The following GOLGA3 variants were observed in gnomAD, a reference collection of about 807,000 sequenced individuals.
GOLGA3 encodes golgin subfamily A member 3.
In GOLGA3, 75 loss-of-function variants were observed where a neutral mutation model predicts 169.4. The ratio of observed to expected loss-of-function variants is 0.44; its 90% CI spans 0.37 to 0.54. The LOEUF (loss-of-function observed/expected upper bound fraction) is 0.54, where lower values mean the gene tolerates loss of function less well. Ranked by LOEUF, GOLGA3 falls within the 20% of genes least tolerant of loss-of-function variation. The probability of loss-of-function intolerance (pLI) is 0.00; values close to 1 mark genes in which losing one functional copy is unlikely to be tolerated. For synonymous variants in GOLGA3, 824 were observed against 822.4 expected (o/e 1.00, Z -0.03); for missense variants, 1,899 against 1,930.0 (o/e 0.98, Z 0.30).
Position 132,816,604 on chromosome 12 carries a change from G to A in GOLGA3, c.342C>T (p.Gly114=), listed in dbSNP as rs1949969871. Residue 114 remains glycine, a synonymous_variant, in exon 3 of 24, where the codon GGC becomes GGT. Transcript: ENST00000450791. The part of the protein sequence containing the change: ...LRKSQGTSAE[G]SVRKEALQSL... Reference sequence around the variant, plus strand: ...ACTGCAAAGCTTCTTTTCTAACACTGCCCTCAGCACTAGTTCCCTGAGACT... The same window carrying A: ...ACTGCAAAGCTTCTTTTCTAACACTACCCTCAGCACTAGTTCCCTGAGACT... 2 of 1,613,992 alleles carry A rather than the reference G, an allele frequency of 1.2e-6. No individual in the cohort carries two copies.
rs980655577 is a variant in GOLGA3, at chr12:132,777,153, G to A, written c.3723-63C>T. On this transcript the variant is annotated intron_variant, in intron 19 of 23. Transcript: ENST00000450791. The surrounding 1 kb of genome is among the most constrained non-coding windows in gnomAD (Gnocchi z 4.7). ...CTCCTCCAGTGTGCTGTGCCCTCCC[G>A]CTGGGAAATGCTGCCTGTGGAAGGC... 1.9e-5 allele frequency: 29 copies of A among 1,499,338 alleles called. No homozygotes were observed. The Admixed American group carries it at 4.4e-4, about 23-fold the overall frequency. The allele number at this position is 1,499,338 out of a possible 1,614,324, so 92.9% of individuals were successfully genotyped here.
At chr12:132,828,661 G>T in intron 1 of GOLGA3, 142 bp downstream of exon 1, 1 of 149,054 alleles carries the variant, frequency 6.7e-6, no homozygotes, top group South Asian at 2.0e-4. Context: ...GGGGTGACTG[G>T]AACGGGGCCG....
chr12:132,816,740 T>C lies in GOLGA3; in HGVS notation c.206A>G (p.Asn69Ser). Reference protein sequence around the residue: ...DGPGQGGLCQNGPTPPFPDPP... With the variant: ...DGPGQGGLCQSGPTPPFPDPP... ...GTCTGGGAAGGGTGGCGTTGGCCCG[T>C]TCTGACAGAGGCCTCCCTGGCCAGG... Residue 69 changes from asparagine to serine, a missense_variant, in exon 3 of 24, where the codon AAC (asparagine) becomes AGC (serine). Transcript: ENST00000450791. 1 of 1,613,836 alleles carries C rather than the reference T, an allele frequency of 6.2e-7. No individual in the cohort carries two copies. Among genetic ancestry groups the C allele is most frequent in the Non-Finnish European group, 8.5e-7 (1 of 1,179,778 alleles).
intron 9 of GOLGA3, 147 bp downstream of exon 9, chr12:132,798,193 C>G: frequency 1.6e-6 from 1 of 606,600 alleles, no homozygotes; most frequent in Non-Finnish European, 2.5e-6. Context: ...GGGGGGGTCC[C>G]AAAGCCTTAA....
intron 13 of GOLGA3, among the ~76,000 whole-genome samples, chr12:132,787,143 A>G (rs989658556): frequency 6.6e-6 from 1 of 152,008 alleles, no homozygotes; most frequent in Non-Finnish European, 1.5e-5. Flanking sequence ...TAGTAGAGAC[A>G]GGGTTTCACC....
At chr12:132,782,553 C>T (rs2045661984) in intron 16 of GOLGA3, 60 bp from the exon 17 acceptor site, 3 of 1,322,848 alleles carry the variant, frequency 2.3e-6, no homozygotes, top group Admixed American at 1.7e-5. Flanking sequence ...TTCACATACC[C>T]CAGAAACAGG....
chr12:132,803,080 CAACAA>C (rs57011057), intron 7 of GOLGA3, among the ~76,000 whole-genome samples: 2 of 31,270 alleles, frequency 6.4e-5, no homozygotes, highest in African/African-American at 1.2e-4. Flanking sequence ...ACAACAACAA[CAACAA>C]AACAACAAAA....
Position 132,784,308 on chromosome 12 carries a change from C to T in GOLGA3, c.3124-1G>A. The T allele has an allele frequency of 6.2e-7, 1 of 1,605,724 alleles. No homozygotes were observed. Among genetic ancestry groups the T allele is most frequent in the Non-Finnish European group, 8.5e-7 (1 of 1,179,070 alleles). On this transcript the variant is annotated splice_acceptor_variant, in intron 15 of 23. Coordinates refer to ENST00000450791, the MANE Select transcript of GOLGA3 (RefSeq NM_001389683.1). LOFTEE classifies it high-confidence loss of function. Reference sequence around the variant, plus strand: ...CCGCCTCCAGGGCCTGGATCCTTTCCTAAGGGCCAAGATGGAACGGGCGCT... The same window carrying T: ...CCGCCTCCAGGGCCTGGATCCTTTCTTAAGGGCCAAGATGGAACGGGCGCT...
chr12:132,800,381 C>T (rs1192574925), intron 8 of GOLGA3, among the ~76,000 whole-genome samples: 4 of 152,076 alleles, frequency 2.6e-5, no homozygotes, highest in Non-Finnish European at 5.9e-5. Context: ...GTAATCCCAG[C>T]TACTCGGGAC....
intron 7 of GOLGA3, among the ~76,000 whole-genome samples, chr12:132,802,451 A>G (rs893269488): frequency 7.1e-6 from 1 of 141,212 alleles, no homozygotes; most frequent in African/African-American, 2.8e-5. Flanking sequence ...ACACAGCGAG[A>G]TCCCCCACCA....
chr12:132,780,642 G>C (rs746313458), intron 18 of GOLGA3, among the ~76,000 whole-genome samples, 156 bp downstream of exon 18: 3 of 152,242 alleles, frequency 2.0e-5, no homozygotes, highest in Non-Finnish European at 2.9e-5. Context: ...CTACGGACCA[G>C]AGCAGGTGCT....
Position 132,777,612 on chromosome 12 carries a change from C to G in GOLGA3, c.3722+54G>C. ...CTGTGCTGAAGGTGTGAATTAGACC[C>G]CGCCCATTGCCAGGACAGCCATGTT... On this transcript the variant is annotated intron_variant, in intron 19 of 23. Coordinates refer to ENST00000450791, the MANE Select transcript of GOLGA3 (RefSeq NM_001389683.1). This position sits in a 1 kb window ranked among gnomAD's most constrained non-coding sequence, Gnocchi z 4.7. 1.2e-6 allele frequency: 2 copies of G among 1,600,544 alleles called. No homozygotes were observed. The highest frequency in any genetic ancestry group is 1.7e-6 in the Non-Finnish European group (2 of 1,171,120).
intron 18 of GOLGA3, among the ~76,000 whole-genome samples, chr12:132,779,613 A>G (rs1239757989): frequency 6.6e-6 from 1 of 152,220 alleles, no homozygotes; most frequent in Non-Finnish European, 1.5e-5. Flanking sequence ...ATTTAAAGGA[A>G]AAGTGATGTG....
At chr12:132,823,603 T>C (rs1406816939) in intron 1 of GOLGA3, among the ~76,000 whole-genome samples, 2 of 149,084 alleles carry the variant, frequency 1.3e-5, no homozygotes, top group Admixed American at 6.7e-5. Flanking sequence ...CTGGCCAACA[T>C]GGTGAAACCC....
chr12:132,821,629 C>A (rs898128453), intron 2 of GOLGA3, among the ~76,000 whole-genome samples: 6 of 151,708 alleles, frequency 4.0e-5, no homozygotes, highest in Non-Finnish European at 8.8e-5. Flanking sequence ...CTGAGGCGGG[C>A]GGATCACGAA....
chr12:132,795,046 G>A (rs999935795), intron 11 of GOLGA3, among the ~76,000 whole-genome samples: 2 of 152,084 alleles, frequency 1.3e-5, no homozygotes, highest in African/African-American at 4.8e-5. Context: ...AATTAGCTGG[G>A]TGTGGTGGCA....
At chr12:132,826,479 G>A (rs961630550) in intron 1 of GOLGA3, among the ~76,000 whole-genome samples, 11 of 152,030 alleles carry the variant, frequency 7.2e-5, no homozygotes, top group Non-Finnish European at 1.3e-4. Context: ...AGGTTCCACC[G>A]AGAGGGCACG....
At chr12:132,791,092 A>C (rs141049951) in intron 12 of GOLGA3, 124 bp downstream of exon 12, 3,832 of 322,584 alleles carry the variant, frequency 0.012, 156 homozygotes, top group African/African-American at 0.083. Context: ...AAAAAATTTA[A>C]AGAGAACTCA....
At chr12:132,817,437 G>C (rs1258065273) in intron 2 of GOLGA3, among the ~76,000 whole-genome samples, 21 of 17,930 alleles carry the variant, frequency 1.2e-3, no homozygotes, top group African/African-American at 3.6e-3. Context: ...CACGCTCTAA[G>C]GTGAACCCGC....
Sources: gnomAD v4.1 joint callset for allele counts (sites outside exome capture counted in the v4.1 genomes callset) on GRCh38, gnomAD v4.1.1 for gene constraint, Gnocchi (gnomAD v3.1) non-coding constraint, MANE v1.5 for transcripts, NCBI Gene and HGNC (gene_info 2026-07-23, HGNC 2026-07-21) for gene names.